Variants in JCAD observed in about 807,000 individuals in gnomAD.
JCAD encodes the protein junctional cadherin 5 associated.
JCAD carries 40 observed loss-of-function variants against 98.0 expected under a neutral mutation model. That is an observed-to-expected ratio of 0.41 (90% CI 0.32 to 0.53). JCAD has a LOEUF of 0.53. Among genes scored for constraint, JCAD ranks in the 20% least tolerant of loss-of-function variants. The pLI is 0.31. For missense variants in JCAD, 1,705 were observed against 1,738.1 expected (o/e 0.98, Z 0.34); for synonymous variants, 691 against 682.3 (o/e 1.01, Z -0.20).
chr10:30,042,074 C>T (rs547267961), intron 2 of JCAD, among the ~76,000 whole-genome samples: 2 of 152,264 alleles, frequency 1.3e-5, no homozygotes, highest in South Asian at 4.2e-4. Context: ...ATGCAAAGCC[C>T]ACAGCCAGTT....
intron 3 of JCAD, among the ~76,000 whole-genome samples, chr10:30,023,990 C>T (rs1183716151): frequency 6.6e-6 from 1 of 152,136 alleles, no homozygotes; most frequent in Non-Finnish European, 1.5e-5. Context: ...GTAGGCAAGA[C>T]CTCATCTCTA....
intron 1 of JCAD, among the ~76,000 whole-genome samples, chr10:30,070,904 G>GTTGT (rs953607503): frequency 2.0e-5 from 3 of 152,190 alleles, no homozygotes; most frequent in East Asian, 1.9e-4. Context: ...TGTTGTTGTT[G>GTTGT]TTGTTTGTTT....
chr10:30,019,123 A>C (rs920023667), intron 3 of JCAD, among the ~76,000 whole-genome samples: 2 of 152,130 alleles, frequency 1.3e-5, no homozygotes, highest in Non-Finnish European at 2.9e-5. Flanking sequence ...TGGGAGGCCG[A>C]GGCAGGTGGA....
intron 1 of JCAD, among the ~76,000 whole-genome samples, chr10:30,111,365 C>T (rs960145912): frequency 1.3e-5 from 2 of 152,192 alleles, no homozygotes; most frequent in East Asian, 1.9e-4. Flanking sequence ...TCAAGCAATC[C>T]TGTCCCACCA....
At chr10:30,048,944 A>T (rs1027946482) in intron 1 of JCAD, among the ~76,000 whole-genome samples, 2 of 152,114 alleles carry the variant, frequency 1.3e-5, no homozygotes, top group Admixed American at 6.5e-5. Context: ...TCAGCCAAGG[A>T]TGTCCACACC....
chr10:30,054,984 A>T (rs1005240807), intron 1 of JCAD, among the ~76,000 whole-genome samples: 1 of 152,218 alleles, frequency 6.6e-6, no homozygotes, highest in African/African-American at 2.4e-5. Flanking sequence ...TGCATCTTTA[A>T]AAATAGGTTA....
At chr10:30,091,411 A>G (rs1838261489) in intron 1 of JCAD, among the ~76,000 whole-genome samples, 1 of 152,172 alleles carries the variant, frequency 6.6e-6, no homozygotes, top group South Asian at 2.1e-4. Context: ...ATTTCCTCAT[A>G]ATAGCAATAA....
Position 30,079,361 on chromosome 10 carries a change from A to AC in JCAD, n.129-9541_129-9540insG, listed in dbSNP as rs1682354020. Among the ~76,000 whole-genome samples the AC allele has an allele frequency of 2.0e-5, 3 of 150,978 alleles. No individual in the cohort carries two copies. The South Asian group carries it at 6.2e-4, about 31-fold the overall frequency. On this transcript the variant is annotated intron_variant and non_coding_transcript_variant, in intron 1 of 2. Coordinates refer to the JCAD transcript ENST00000465712. ...GACTCCATCTCAAAAAAAAAAAAAA[A>AC]AAAAAAGAATAGTAATCATCACAGG...
At chr10:30,024,173 C>T (rs1240302661) in intron 3 of JCAD, among the ~76,000 whole-genome samples, 2 of 152,000 alleles carry the variant, frequency 1.3e-5, no homozygotes, top group Non-Finnish European at 2.9e-5. Flanking sequence ...TCAAACAAAA[C>T]AAAACAAAAA....
In JCAD at chr10:30,029,599, G is replaced by C; in HGVS notation, c.549C>G (p.Asn183Lys). The change falls in exon 3 of 4, where the codon AAC becomes AAG. Residue 183 changes from asparagine to lysine, a missense_variant. Around this residue, in one of 3 missense-constraint regions of JCAD, gnomAD observed 275 missense variants for 346.9 expected, o/e 0.79. Coordinates refer to ENST00000375377, the MANE Select transcript of JCAD (RefSeq NM_020848.4). ...GCTGGTTCCAGCTTTCCAGGCTGAC[G>C]TTCTGCCACTTGGCAGGACCTGACA... ...LRMSGPAKWQ[N>K]VSLESWNQPR... The C allele has an allele frequency of 6.2e-7, 1 of 1,614,206 alleles. No individual in the cohort carries two copies. The highest frequency in any genetic ancestry group is 1.1e-5 in the South Asian group (1 of 91,084).
intron 1 of JCAD, among the ~76,000 whole-genome samples, chr10:30,108,347 G>T (rs1239844383): frequency 6.6e-6 from 1 of 151,944 alleles, no homozygotes; most frequent in Non-Finnish European, 1.5e-5. Flanking sequence ...GTTATCAGGG[G>T]TGGTTGTCAT....
intron 1 of JCAD, among the ~76,000 whole-genome samples, chr10:30,093,703 G>A (rs1436509582): frequency 6.6e-6 from 1 of 152,162 alleles, no homozygotes; most frequent in Admixed American, 6.5e-5. Context: ...CTAAAGCCAC[G>A]GGAATCCCGG....
chr10:30,062,874 CAG>C (rs1414273088), upstream of JCAD, among the ~76,000 whole-genome samples: 2 of 152,120 alleles, frequency 1.3e-5, no homozygotes, highest in Non-Finnish European at 2.9e-5. Flanking sequence ...GGGTGGGACA[CAG>C]AGCCAAACCA....
chr10:30,057,976 T>C (rs534203367), intron 1 of JCAD, among the ~76,000 whole-genome samples: 1 of 152,316 alleles, frequency 6.6e-6, no homozygotes, highest in South Asian at 2.1e-4. Context: ...CATTCTTGCT[T>C]TGCCGGGTGG....
intron 2 of JCAD, among the ~76,000 whole-genome samples, chr10:30,064,959 C>T (rs2505129): frequency 0.032 from 4,809 of 152,292 alleles, 104 homozygotes; most frequent in Non-Finnish European, 0.048. Context: ...CGTGAGCCAC[C>T]GTGCCCGGCC....
intron 1 of JCAD, among the ~76,000 whole-genome samples, chr10:30,098,714 T>A (rs1368305902): frequency 6.6e-6 from 1 of 152,240 alleles, no homozygotes. Flanking sequence ...TCTTTAAGCT[T>A]TAGGATGACT....
Position 30,027,796 on chromosome 10 carries a change from G to A in JCAD, c.2352C>T (p.Pro784=). ...CTCCAAGCCCGTGGACATCCACGCA[G>A]GGCTGACTTCGGCCTGCTTTTGGCG... The part of the protein sequence containing the change: ...APTPKAGRSQ[P]CVDVHGLGAH... The change falls in exon 3 of 4, where the codon CCC becomes CCT. Residue 784 remains proline, a synonymous_variant. Transcript: ENST00000375377. 6.2e-7 allele frequency: 1 copy of A among 1,614,262 alleles called. No individual in the cohort carries two copies. Among genetic ancestry groups the A allele is most frequent in the Non-Finnish European group, 8.5e-7 (1 of 1,180,046 alleles).
chr10:30,026,773 C>G lies in JCAD; in HGVS notation c.3375G>C (p.Gln1125His), dbSNP rs1222296724. Residue 1125 changes from glutamine to histidine, a missense_variant, in exon 3 of 4, where the codon CAG (glutamine) becomes CAC (histidine). Gln to His is a conservative substitution (Grantham distance 24). Transcript: ENST00000375377. ...GTGCTGGGCGAGATAGCAACTCTTCCTGGGGGGACTCTGGGGTGCAGGCAC... is the reference window on the plus strand; with the variant it reads ...GTGCTGGGCGAGATAGCAACTCTTCGTGGGGGGACTCTGGGGTGCAGGCAC... ...DASACTPESP[Q>H]EELLSRPAPA... 1 of 1,614,062 alleles carries G rather than the reference C, an allele frequency of 6.2e-7. No individual in the cohort carries two copies. The highest frequency in any genetic ancestry group is 8.5e-7 in the Non-Finnish European group (1 of 1,180,050).
rs774114577 is a variant in JCAD, at chr10:30,026,279, G to A, written c.3869C>T (p.Ala1290Val). 1.2e-6 allele frequency: 2 copies of A among 1,613,826 alleles called. No homozygotes were observed. Among genetic ancestry groups the A allele is most frequent in the Non-Finnish European group, 1.7e-6 (2 of 1,180,028 alleles). Reference sequence around the variant, plus strand: ...GAGCCCGGCCTGGCCCCTTGTGGTGGCCTTCAATTCCTCGGCGTCCTCCTG... The same window carrying A: ...GAGCCCGGCCTGGCCCCTTGTGGTGACCTTCAATTCCTCGGCGTCCTCCTG... ...DSQEDAEELKATTRGQAGLPG... is the reference protein window; with the variant it reads ...DSQEDAEELKVTTRGQAGLPG... The change falls in exon 3 of 4, where the codon GCC (alanine) becomes GTC (valine). Residue 1290 changes from alanine (A) to valine (V), a missense_variant. This residue lies in a region of JCAD where 1,278 missense variants were observed against 1,243.1 expected (regional missense o/e 1.03). Coordinates refer to ENST00000375377, the MANE Select transcript of JCAD (RefSeq NM_020848.4).
Sources: allele counts gnomAD v4.1 joint callset (sites outside exome capture counted in the v4.1 genomes callset), GRCh38; gene constraint gnomAD v4.1.1; regional missense constraint gnomAD v4.1.1; transcripts MANE v1.5; gene names NCBI Gene and HGNC (gene_info 2026-07-23, HGNC 2026-07-21).